KDM5B: variants seen among roughly 807,000 people sequenced by gnomAD.
The protein encoded by KDM5B is lysine demethylase 5B, also known as lysine-specific demethylase 5B.
A neutral mutation model predicts 193.4 loss-of-function variants in KDM5B; 144 were observed. That is an observed-to-expected ratio of 0.74 (90% CI 0.65 to 0.86). KDM5B has a LOEUF of 0.86. Ranked by LOEUF, KDM5B falls within the 40% of genes least tolerant of loss-of-function variation. The pLI is 0.00. For missense variants in KDM5B, 1,833 were observed against 1,886.9 expected (o/e 0.97, Z 0.53); for synonymous variants, 668 against 682.6 (o/e 0.98, Z 0.33).
At chr1:202,730,305 C>G (rs980565886) in intron 25 of KDM5B, among the ~76,000 whole-genome samples, 6 of 152,106 alleles carry the variant, frequency 3.9e-5, no homozygotes, top group Non-Finnish European at 7.4e-5. Context: ...CAACCAATAC[C>G]AGAAGATGGA....
intron 7 of KDM5B, among the ~76,000 whole-genome samples, chr1:202,761,856 C>T (rs1257338510): frequency 6.6e-6 from 1 of 152,114 alleles, no homozygotes; most frequent in Non-Finnish European, 1.5e-5. Flanking sequence ...TGATACATTA[C>T]TCAATACTAG....
intron 1 of KDM5B, among the ~76,000 whole-genome samples, chr1:202,795,162 C>G (rs969253142): frequency 3.3e-5 from 5 of 151,638 alleles, no homozygotes; most frequent in Admixed American, 3.3e-4. Flanking sequence ...TGCAGTGAGC[C>G]GAGACACACT....
intron 5 of KDM5B, among the ~76,000 whole-genome samples, chr1:202,765,975 C>T (rs1656439282): frequency 6.6e-6 from 1 of 152,188 alleles, no homozygotes; most frequent in South Asian, 2.1e-4. Context: ...GGGAAAGCTT[C>T]TCAGAGCAGA....
Position 202,733,404 on chromosome 1 carries a change from G to C in KDM5B, c.3906C>G (p.Asn1302Lys). ...AACAAGGAAAGTCCAGATTCACCTT[G>C]TTTGTGTCTGACACCTGTCCTGCTG... is the stretch of plus-strand genomic sequence containing the variant. The part of the protein sequence containing the change: ...QASAGQVSDT[N>K]KVSQPPGTTS... Residue 1302 changes from asparagine (N) to lysine (K), a missense_variant, in exon 23 of 27, where the codon AAC becomes AAG. Physicochemically the swap from Asn to Lys is moderately conservative, Grantham distance 94. Around this residue, in one of 3 missense-constraint regions of KDM5B, gnomAD observed 1,379 missense variants for 1,349.6 expected, o/e 1.02. Transcript: ENST00000367265. 1 of 1,610,136 alleles carries C rather than the reference G, an allele frequency of 6.2e-7. No homozygotes were observed. The highest frequency in any genetic ancestry group is 8.5e-7 in the Non-Finnish European group (1 of 1,176,714).
intron 22 of KDM5B, among the ~76,000 whole-genome samples, chr1:202,734,594 T>A (rs1195690787): frequency 6.6e-6 from 1 of 152,168 alleles, no homozygotes; most frequent in Non-Finnish European, 1.5e-5. Flanking sequence ...CCAACATATA[T>A]ACACCTCAGG....
intron 1 of KDM5B, among the ~76,000 whole-genome samples, chr1:202,780,180 T>TTTATTA (rs200129057): frequency 2.0e-5 from 3 of 152,008 alleles, no homozygotes; most frequent in African/African-American, 7.3e-5. Context: ...TTATTTTTAT[T>TTTATTA]TTATTATTAT....
intron 11 of KDM5B, 51 bp from the exon 12 acceptor site, chr1:202,753,118 A>C (rs1363549703): frequency 2.7e-6 from 4 of 1,499,494 alleles, no homozygotes; most frequent in Non-Finnish European, 3.7e-6. Context: ...ACACAAACAA[A>C]ATGGGTTACC....
chr1:202,756,555 A>G, intron 9 of KDM5B, 39 bp from the exon 10 acceptor site: 2 of 1,517,376 alleles, frequency 1.3e-6, no homozygotes, highest in Admixed American at 2.1e-5. Context: ...GTTTCCTCAC[A>G]AACTGTCTGT....
intron 1 of KDM5B, among the ~76,000 whole-genome samples, chr1:202,791,939 G>A (rs1657657798): frequency 6.6e-6 from 1 of 152,034 alleles, no homozygotes. Context: ...TGCTGGTCTT[G>A]AACTACTGAC....
At position 202,726,305 on chromosome 1, in the gene KDM5B, A is replaced by C. The variant is rs1404784611; in HGVS notation, c.*2731T>G. 2.0e-5 allele frequency: 3 copies of C among 152,152 alleles called. No homozygotes were observed. The East Asian group carries it at 5.8e-4, about 29-fold the overall frequency. The allele number at this position is 152,152 out of a possible 1,614,324, so 9.4% of individuals were successfully genotyped here. Reference sequence around the variant, plus strand: ...AGGTTAACTTAAGATAGAAAAATGAATCCCACCTCCTAGGATACTGAAACG... The same window carrying C: ...AGGTTAACTTAAGATAGAAAAATGACTCCCACCTCCTAGGATACTGAAACG... On this transcript the variant is annotated 3_prime_UTR_variant, in exon 27 of 27. Coordinates refer to ENST00000367265, the MANE Select transcript of KDM5B (RefSeq NM_006618.5).
chr1:202,796,668 GC>G, intron 1 of KDM5B: 1 of 163,416 alleles, frequency 6.1e-6, no homozygotes, highest in South Asian at 1.7e-4. Flanking sequence ...CTGTGCCGGG[GC>G]CCCACTCTCC....
At chr1:202,739,700 C>T (rs1301711807) in intron 20 of KDM5B, among the ~76,000 whole-genome samples, 4 of 152,166 alleles carry the variant, frequency 2.6e-5, no homozygotes, top group African/African-American at 9.7e-5. Flanking sequence ...TGCCTTCAAG[C>T]ATCTGTTAAA....
intron 1 of KDM5B, among the ~76,000 whole-genome samples, chr1:202,782,397 G>A (rs994418388): frequency 2.6e-5 from 4 of 151,880 alleles, no homozygotes; most frequent in Non-Finnish European, 2.9e-5. Context: ...ATGAGGTCTC[G>A]CTATGTTGCC....
intron 1 of KDM5B, among the ~76,000 whole-genome samples, chr1:202,792,039 T>C (rs1360139083): frequency 6.6e-6 from 1 of 152,186 alleles, no homozygotes; most frequent in African/African-American, 2.4e-5. Flanking sequence ...CAATAATAAG[T>C]ACTGAATTGA....
chr1:202,784,347 TGTTA>T (rs1047662958), intron 1 of KDM5B, among the ~76,000 whole-genome samples: 6 of 152,180 alleles, frequency 3.9e-5, no homozygotes, highest in Non-Finnish European at 8.8e-5. Context: ...AGCACATTCT[TGTTA>T]GTTTACCAAG....
At chr1:202,784,122 A>C (rs1657311346) in intron 1 of KDM5B, among the ~76,000 whole-genome samples, 1 of 152,228 alleles carries the variant, frequency 6.6e-6, no homozygotes, top group Non-Finnish European at 1.5e-5. Flanking sequence ...AGATTTTTCC[A>C]AAAAATGCCA....
rs554978493 is a variant in KDM5B at position 202,780,939 on chromosome 1, CAAT to C, written c.205-3848_205-3846del. On this transcript the variant is annotated intron_variant, in intron 1 of 26. Coordinates refer to ENST00000367265, the MANE Select transcript of KDM5B (RefSeq NM_006618.5). ...CATATGCAGATTTTAAATAATATCA[CAAT>C]AATAAGGAGAAAAGAGGCTTTTTTA... Among the ~76,000 whole-genome samples the C allele has an allele frequency of 5.4e-4, 82 of 152,222 alleles. 1 individual carries two copies. Among genetic ancestry groups the C allele is most frequent in the African/African-American group, 1.8e-3 (75 of 41,560 alleles).
At chr1:202,792,316 G>A (rs1657673700) in intron 1 of KDM5B, among the ~76,000 whole-genome samples, 1 of 151,060 alleles carries the variant, frequency 6.6e-6, no homozygotes, top group Non-Finnish European at 1.5e-5. Flanking sequence ...AAACCAGTGG[G>A]TCTCAAACCT....
rs771165153 is a variant in KDM5B, at chr1:202,746,248, T to G, written c.2092A>C (p.Thr698Pro). 1 of 1,613,588 alleles carries G rather than the reference T, an allele frequency of 6.2e-7. No individual in the cohort carries two copies. The highest frequency in any genetic ancestry group is 8.5e-7 in the Non-Finnish European group (1 of 1,179,650). Residue 698 changes from threonine to proline, a missense_variant, in exon 15 of 27, where the codon ACA (threonine) becomes CCA (proline). Transcript: ENST00000367265. ...DERQCVKCKT[T>P]CFMSAISCSC... ...CAGGAGATGGCAGACATGAAGCATG[T>G]AGTTTTGCATTTTACACACTGACGT...
Sources: gnomAD v4.1 joint callset for allele counts (sites outside exome capture counted in the v4.1 genomes callset) on GRCh38, gnomAD v4.1.1 for gene constraint, gnomAD v4.1.1 regional missense constraint, MANE v1.5 for transcripts, NCBI Gene and HGNC (gene_info 2026-07-23, HGNC 2026-07-21) for gene names.